The following EYS variants were observed in gnomAD, a reference collection of about 807,000 sequenced individuals.
EYS encodes the protein protein eyes shut homolog.
Under a neutral mutation model 282.1 loss-of-function variants are expected in EYS, and 250 were observed. The observed-to-expected ratio is 0.89, with a 90% CI of 0.80 to 0.98. The LOEUF (loss-of-function observed/expected upper bound fraction) is 0.98, where lower values mean the gene tolerates loss of function less well. Ranked by LOEUF, EYS falls within the 50% of genes least tolerant of loss-of-function variation. EYS has a pLI of 0.00. For missense variants in EYS, 4,016 were observed against 3,709.0 expected, an observed-to-expected ratio of 1.08 and a Z score of -2.15; for synonymous variants, 1,355 against 1,282.9, an observed-to-expected ratio of 1.06 and a Z score of -1.20.
rs71572519 is a variant in EYS, at chr6:65,315,372, T to C, written c.1767-19253A>G. On this transcript the variant is annotated intron_variant, in intron 11 of 42. Transcript: ENST00000503581. ...TCAATGAATTGTCCTTGGATGAACA[T>C]TGCTGTAAAACTATTCAAGTTAAAA... Among the ~76,000 whole-genome samples, 1,427 of 152,290 alleles carry C rather than the reference T, an allele frequency of 9.4e-3. 15 individuals are homozygous for C. Among genetic ancestry groups the C allele is most frequent in the Non-Finnish European group, 0.017 (1,162 of 68,022 alleles).
chr6:64,219,081 G>T (rs544702613), intron 31 of EYS, among the ~76,000 whole-genome samples: 63 of 152,218 alleles, frequency 4.1e-4, no homozygotes, highest in African/African-American at 1.5e-3. Flanking sequence ...TGATGCAGCC[G>T]CAATGACAGA....
intron 5 of EYS, among the ~76,000 whole-genome samples, chr6:65,477,011 G>A (rs1455494687): frequency 6.6e-6 from 1 of 152,020 alleles, no homozygotes; most frequent in Non-Finnish European, 1.5e-5. Flanking sequence ...ATCCAGTATG[G>A]TATCTATTGA....
At chr6:64,292,705 T>C (rs1323047826) in intron 30 of EYS, among the ~76,000 whole-genome samples, 2 of 152,108 alleles carry the variant, frequency 1.3e-5, no homozygotes, top group Non-Finnish European at 2.9e-5. Context: ...AGTTGCTTTT[T>C]GGAAAAATTC....
intron 29 of EYS, among the ~76,000 whole-genome samples, chr6:64,372,930 T>C (rs1290537604): frequency 6.6e-6 from 1 of 152,216 alleles, no homozygotes; most frequent in African/African-American, 2.4e-5. Context: ...GTTGGCTCTT[T>C]CTTATAATGG....
At chr6:65,192,293 CTGTGTG>C (rs58238401) in intron 12 of EYS, among the ~76,000 whole-genome samples, 2,179 of 142,866 alleles carry the variant, frequency 0.015, 23 homozygotes, top group Non-Finnish European at 0.023. Context: ...TTTTTCTACT[CTGTGTG>C]TGTGTGTGTG....
chr6:64,458,662 T>C (rs1474990522), intron 26 of EYS, among the ~76,000 whole-genome samples: 1 of 151,436 alleles, frequency 6.6e-6, no homozygotes, highest in Non-Finnish European at 1.5e-5. Context: ...TAGTCTTATT[T>C]GGATTGAATC....
At chr6:64,951,846 C>T (rs934111609) in intron 14 of EYS, among the ~76,000 whole-genome samples, 2 of 151,466 alleles carry the variant, frequency 1.3e-5, no homozygotes, top group Non-Finnish European at 3.0e-5. Flanking sequence ...TGAAAATAGC[C>T]ATTATTTGTT....
intron 22 of EYS, among the ~76,000 whole-genome samples, chr6:64,741,917 G>A (rs1772385865): frequency 6.6e-6 from 1 of 152,082 alleles, no homozygotes; most frequent in Admixed American, 6.6e-5. Flanking sequence ...GGAGCAATGA[G>A]GCTGCTTCTG....
chr6:65,688,765 A>G (rs1231815002), intron 1 of EYS, among the ~76,000 whole-genome samples: 1 of 152,114 alleles, frequency 6.6e-6, no homozygotes, highest in East Asian at 1.9e-4. Context: ...CAAAAGACAC[A>G]TGAAAAAATG....
At chr6:65,375,235 A>G (rs1287252624) in intron 8 of EYS, among the ~76,000 whole-genome samples, 1 of 152,164 alleles carries the variant, frequency 6.6e-6, no homozygotes, top group Non-Finnish European at 1.5e-5. Context: ...GTGATACCCA[A>G]GCAAACAGGG....
At chr6:64,886,422 A>G (rs115279223) in intron 19 of EYS, among the ~76,000 whole-genome samples, 2,128 of 152,100 alleles carry the variant, frequency 0.014, 38 homozygotes, top group African/African-American at 0.041. Context: ...ACTTTTTTGT[A>G]TATTATAGCC....
chr6:64,514,781 A>G (rs888203767), intron 26 of EYS, among the ~76,000 whole-genome samples: 1 of 151,862 alleles, frequency 6.6e-6, no homozygotes, highest in Non-Finnish European at 1.5e-5. Flanking sequence ...GGCTACAGAG[A>G]GAGGAGAATT....
chr6:64,965,183 T>C (rs1770051446), intron 14 of EYS, among the ~76,000 whole-genome samples: 1 of 152,162 alleles, frequency 6.6e-6, no homozygotes, highest in East Asian at 1.9e-4. Context: ...ATACCATAAG[T>C]ATTTGCTAAA....
intron 22 of EYS, among the ~76,000 whole-genome samples, chr6:64,701,099 T>C (rs2149924065): frequency 6.6e-6 from 1 of 152,124 alleles, no homozygotes; most frequent in South Asian, 2.1e-4. Flanking sequence ...TTGACAAAGC[T>C]GATGAAAACA....
chr6:65,029,210 T>C (rs980698418), intron 13 of EYS, among the ~76,000 whole-genome samples: 1 of 152,126 alleles, frequency 6.6e-6, no homozygotes. Flanking sequence ...AAAAGTATGG[T>C]TCCTTTAAGT....
At chr6:65,046,807 A>G (rs771203558) in intron 13 of EYS, among the ~76,000 whole-genome samples, 1 of 151,906 alleles carries the variant, frequency 6.6e-6, no homozygotes, top group Non-Finnish European at 1.5e-5. Context: ...GAATTCTCAA[A>G]GTTGGGGAGG....
chr6:65,373,531 T>C (rs914681935), intron 8 of EYS, among the ~76,000 whole-genome samples: 3 of 152,034 alleles, frequency 2.0e-5, no homozygotes, highest in Non-Finnish European at 4.4e-5. Flanking sequence ...TTCTAACATT[T>C]TCAGCACCTC....
In EYS at chr6:64,153,913, G is replaced by A. The variant is rs567580370; in HGVS notation, c.6425-71911C>T. ...CAATTGGAGAGCATATAGATAAAACGAATGAACAAGAGCTGCAAGACTCAA... is the reference window on the plus strand; with the variant it reads ...CAATTGGAGAGCATATAGATAAAACAAATGAACAAGAGCTGCAAGACTCAA... On this transcript the variant is annotated intron_variant, in intron 31 of 42. Transcript: ENST00000503581. Among the ~76,000 whole-genome samples the A allele has an allele frequency of 2.2e-3, 337 of 152,124 alleles. 1 individual carries two copies. Among genetic ancestry groups the A allele is most frequent in the African/African-American group, 7.7e-3 (318 of 41,498 alleles).
At chr6:64,444,799 T>C (rs1281989254) in intron 26 of EYS, among the ~76,000 whole-genome samples, 2 of 152,194 alleles carry the variant, frequency 1.3e-5, no homozygotes, top group African/African-American at 2.4e-5. Context: ...TTCACAGTAA[T>C]GAGTGAGTTC....
Sources: allele counts gnomAD v4.1 joint callset (sites outside exome capture counted in the v4.1 genomes callset), GRCh38; gene constraint gnomAD v4.1.1; transcripts MANE v1.5; gene names NCBI Gene and HGNC (gene_info 2026-07-23, HGNC 2026-07-21).